The following GPI variants were observed in gnomAD, a reference collection of about 807,000 sequenced individuals.
GPI encodes glucose-6-phosphate isomerase, also known as D-hexose-6-phosphate anomerase.
Under a neutral mutation model 75.8 loss-of-function variants are expected in GPI, and 56 were observed. That is an observed-to-expected ratio of 0.74 (90% confidence interval 0.60 to 0.92). The LOEUF (loss-of-function observed/expected upper bound fraction) is 0.92, where lower values mean the gene tolerates loss of function less well. Ranked by LOEUF, GPI falls within the 40% of genes least tolerant of loss-of-function variation. The pLI, the probability that GPI is intolerant of heterozygous loss-of-function variation, is 0.00. For synonymous variants in GPI, 288 were observed against 285.4 expected, an observed-to-expected ratio of 1.01 and a Z score of -0.09; for missense variants, 638 against 741.0, an observed-to-expected ratio of 0.86 and a Z score of 1.61.
intron 9 of GPI, 115 bp downstream of exon 9, chr19:34,381,634 T>C (rs1205586702): frequency 2.9e-5 from 24 of 829,552 alleles, no homozygotes; most frequent in Admixed American, 1.0e-4. Flanking sequence ...CATACCTAGC[T>C]TGGGGAAAGG....
At chr19:34,397,012 TG>T (rs1015219142) in intron 14 of GPI, among the ~76,000 whole-genome samples, 2 of 152,334 alleles carry the variant, frequency 1.3e-5, no homozygotes, top group African/African-American at 4.8e-5. Flanking sequence ...GGTTTCACTA[TG>T]TTGGCCAGGC....
At chr19:34,399,404 A>G in intron 15 of GPI, 69 bp downstream of exon 15, 2 of 1,607,424 alleles carry the variant, frequency 1.2e-6, no homozygotes, top group Non-Finnish European at 1.7e-6. Context: ...GGCACCAGGC[A>G]GGGGCTTGGG....
intron 6 of GPI, 106 bp from the exon 7 acceptor site, chr19:34,378,828 C>T: frequency 2.5e-6 from 2 of 814,736 alleles, no homozygotes; most frequent in East Asian, 2.5e-5. Flanking sequence ...AAATACTGCT[C>T]CATGGGACAG....
intron 12 of GPI, among the ~76,000 whole-genome samples, chr19:34,394,745 ACT>A (rs1226527756): frequency 6.9e-6 from 1 of 144,594 alleles, no homozygotes; most frequent in African/African-American, 2.6e-5. Context: ...ACAGATTCTC[ACT>A]CTGTTTCCCA....
intron 4 of GPI, among the ~76,000 whole-genome samples, chr19:34,375,443 C>T (rs555307585): frequency 5.3e-5 from 8 of 152,246 alleles, no homozygotes; most frequent in East Asian, 1.9e-4. Context: ...CCACCATGCC[C>T]GGCCTAGCAG....
chr19:34,372,123 G>A lies in GPI; in HGVS notation c.402+3421G>A, dbSNP rs377531658. On this transcript the variant is annotated intron_variant, in intron 4 of 17. Coordinates refer to ENST00000356487, the MANE Select transcript of GPI (RefSeq NM_000175.5). ...TTTTTGTATTTTTAGTAGAGATGAG[G>A]TTTCACCATGTTGGTCAGGCTGGTC... is the stretch of plus-strand genomic sequence containing the variant. 5.9e-5 allele frequency among the ~76,000 whole-genome samples: 9 copies of A among 151,594 alleles called. No homozygotes were observed. In the South Asian group the frequency reaches 6.3e-4, roughly 11 times the overall value.
At chr19:34,366,244 G>C in intron 1 of GPI, 101 bp from the exon 2 acceptor site, 1 of 825,362 alleles carries the variant, frequency 1.2e-6, no homozygotes, top group Non-Finnish European at 2.2e-6. Context: ...GTGGGGCGTG[G>C]GTCAGGGAGG....
In GPI at chr19:34,368,705, A is replaced by G. The variant is rs368862023; in HGVS notation, c.402+3A>G. 6.2e-7 allele frequency: 1 copy of G among 1,614,182 alleles called. No individual in the cohort carries two copies. On this transcript the variant is annotated splice_donor_region_variant and intron_variant, in intron 4 of 17. Transcript: ENST00000356487. ...ACAAGATGAAGTCTTTCTGCCAGGT[A>G]AGTGGCTACTGGGCCGGACTCACCC...
intron 1 of GPI, chr19:34,365,811 G>A (rs941250324): frequency 4.2e-6 from 2 of 472,680 alleles, no homozygotes; most frequent in African/African-American, 3.9e-5. Context: ...GGGCAGCCCG[G>A]GCGGGGGTGT....
chr19:34,399,579 C>T lies in GPI; in HGVS notation c.1422C>T (p.Thr474=). The change falls in exon 16 of 18, where the codon ACC becomes ACT. Residue 474 remains threonine (T), a synonymous_variant. Coordinates refer to ENST00000356487, the MANE Select transcript of GPI (RefSeq NM_000175.5). Reference sequence around the variant, plus strand: ...AGGTCTTTGAAGGAAATCGCCCAACCAACTCTATTGTGTTCACCAAGCTCA... The same window carrying T: ...AGGTCTTTGAAGGAAATCGCCCAACTAACTCTATTGTGTTCACCAAGCTCA... ...PHKVFEGNRP[T]NSIVFTKLTP... is the part of the protein sequence containing the mutation. 1 of 1,614,128 alleles carries T rather than the reference C, an allele frequency of 6.2e-7. No individual in the cohort carries two copies. Among genetic ancestry groups the T allele is most frequent in the Non-Finnish European group, 8.5e-7 (1 of 1,179,996 alleles).
At chr19:34,372,605 A>G (rs1432044320) in intron 4 of GPI, among the ~76,000 whole-genome samples, 1 of 152,168 alleles carries the variant, frequency 6.6e-6, no homozygotes, top group Non-Finnish European at 1.5e-5. Flanking sequence ...TCATACTCCT[A>G]CATTCCAGGT....
chr19:34,365,423 C>T, intron 1 of GPI, 35 bp downstream of exon 1: 1 of 1,534,278 alleles, frequency 6.5e-7, no homozygotes, highest in Non-Finnish European at 8.7e-7. Context: ...CTGCCACGCG[C>T]GGCGCCCGGA....
Position 34,379,127 on chromosome 19 carries a change from G to A in GPI, c.705+122G>A, listed in dbSNP as rs151005031. On this transcript the variant is annotated intron_variant, in intron 7 of 17. Coordinates refer to ENST00000356487, the MANE Select transcript of GPI (RefSeq NM_000175.5). ...AGTTGGAAGTGAAGGCGGCCTTGCC[G>A]GTGCCTGCCTTTGCTAGATGAGATG... is the stretch of plus-strand genomic sequence containing the variant. 9.4e-3 allele frequency: 7,988 copies of A among 850,032 alleles called. 66 individuals are homozygous for A. The highest frequency in any genetic ancestry group is 0.011 in the Non-Finnish European group (5,197 of 488,810). The allele number at this position is 850,032 out of a possible 1,614,324, so 52.7% of individuals were successfully genotyped here. A position where few individuals can be genotyped will look rare whatever the true frequency, so the allele number is the denominator to read the frequency against.
intron 8 of GPI, among the ~76,000 whole-genome samples, chr19:34,380,598 G>C (rs746887326): frequency 6.6e-6 from 1 of 152,184 alleles, no homozygotes; most frequent in Non-Finnish European, 1.5e-5. Flanking sequence ...GTGACTGTAT[G>C]AGTAGGTGAT....
At chr19:34,379,924 C>T in intron 8 of GPI, 1 of 361,566 alleles carries the variant, frequency 2.8e-6, no homozygotes, top group Non-Finnish European at 5.1e-6. Context: ...CCATTTTTCA[C>T]TTAAGGACAT....
At chr19:34,366,709 G>A (rs2074370691) in intron 2 of GPI, 74 bp from the exon 3 acceptor site, 2 of 1,014,530 alleles carry the variant, frequency 2.0e-6, no homozygotes, top group Non-Finnish European at 3.2e-6. Flanking sequence ...ACAGCACCAA[G>A]CCTTGTGTTT....
intron 9 of GPI, among the ~76,000 whole-genome samples, chr19:34,382,344 C>T (rs1416840752): frequency 1.3e-5 from 2 of 152,182 alleles, no homozygotes; most frequent in Non-Finnish European, 2.9e-5. Flanking sequence ...ATGGCATCCA[C>T]AGACATAACC....
intron 3 of GPI, among the ~76,000 whole-genome samples, chr19:34,367,896 T>C (rs3786884): frequency 0.055 from 8,334 of 152,308 alleles, 945 homozygotes; most frequent in East Asian, 0.52. Flanking sequence ...TCAGGCTTCA[T>C]GAGCACTCAT....
At chr19:34,373,467 G>A (rs1034259624) in intron 4 of GPI, among the ~76,000 whole-genome samples, 19 of 149,478 alleles carry the variant, frequency 1.3e-4, no homozygotes, top group Admixed American at 7.4e-4. Context: ...TGAGGCAGGA[G>A]AATCGCTTGA....
Sources: gnomAD v4.1 joint callset for allele counts (sites outside exome capture counted in the v4.1 genomes callset) on GRCh38, gnomAD v4.1.1 for gene constraint, MANE v1.5 for transcripts, NCBI Gene and HGNC (gene_info 2026-07-23, HGNC 2026-07-21) for gene names.